DMD: variants seen among roughly 807,000 people sequenced by gnomAD.
DMD encodes mutant dystrophin.
In DMD, 63 loss-of-function variants were observed where a neutral mutation model predicts 330.1. The ratio of observed to expected loss-of-function variants is 0.19; its 90% CI spans 0.16 to 0.24. DMD has a LOEUF of 0.24. Ranked by LOEUF, DMD falls within the 10% of genes least tolerant of loss-of-function variation. DMD has a pLI of 1.00. For missense variants in DMD, 3,344 were observed against 2,684.1 expected, an observed-to-expected ratio of 1.25 and a Z score of -5.43; for synonymous variants, 1,223 against 959.8, an observed-to-expected ratio of 1.27 and a Z score of -5.07.
At chrX:31,674,333 T>C (rs768623863) in intron 53 of DMD, among the ~76,000 whole-genome samples, 25 of 112,447 alleles carry the variant, frequency 2.2e-4, no homozygotes, top group Admixed American at 5.7e-4. Flanking sequence ...ATACAATAAG[T>C]TCAACTTTTA....
chrX:31,544,998 T>C (rs749180496), intron 55 of DMD, among the ~76,000 whole-genome samples: 1 of 112,099 alleles, frequency 8.9e-6, no homozygotes, highest in African/African-American at 3.2e-5. Flanking sequence ...CAGAGCCTGG[T>C]CTTTTCATCT....
intron 44 of DMD, among the ~76,000 whole-genome samples, chrX:32,209,085 A>G (rs918830499): frequency 3.6e-5 from 4 of 111,719 alleles, no homozygotes; most frequent in Non-Finnish European, 7.5e-5. Context: ...ACCGAGGTAT[A>G]TTGGTGATCG....
At chrX:32,588,397 G>A (rs1160026366) in intron 13 of DMD, among the ~76,000 whole-genome samples, 1 of 111,840 alleles carries the variant, frequency 8.9e-6, no homozygotes, top group Non-Finnish European at 1.9e-5. Flanking sequence ...ATCTTATGAA[G>A]CAGAGTCGTC....
intron 45 of DMD, among the ~76,000 whole-genome samples, chrX:31,939,272 C>A (rs2150036582): frequency 8.9e-6 from 1 of 111,737 alleles, no homozygotes; most frequent in South Asian, 3.7e-4. Context: ...CTGGTTGGTG[C>A]TTGAGTTGTA....
At chrX:33,196,762 T>A (rs1180977884) in intron 1 of DMD, among the ~76,000 whole-genome samples, 3 of 111,398 alleles carry the variant, frequency 2.7e-5, no homozygotes, top group African/African-American at 9.8e-5. Context: ...CCTAATTTCC[T>A]CTTGAGGACA....
intron 1 of DMD, among the ~76,000 whole-genome samples, chrX:33,177,537 A>C (rs1247220601): frequency 1.8e-5 from 2 of 110,168 alleles, no homozygotes; most frequent in Non-Finnish European, 3.8e-5. Context: ...GGTGCGCACC[A>C]CCATGCCCGA....
At chrX:32,717,013 C>G (rs1004078009) in intron 7 of DMD, among the ~76,000 whole-genome samples, 2 of 110,524 alleles carry the variant, frequency 1.8e-5, no homozygotes, top group African/African-American at 3.3e-5. Flanking sequence ...GAAACTGGAA[C>G]TTATATTTAA....
chrX:32,094,664 A>C (rs1244672567), intron 44 of DMD, among the ~76,000 whole-genome samples: 1 of 112,020 alleles, frequency 8.9e-6, no homozygotes, highest in Non-Finnish European at 1.9e-5. Context: ...GGTTATTCAG[A>C]TGTGCAGGAA....
chrX:31,481,986 G>GA (rs1336721664), intron 57 of DMD, among the ~76,000 whole-genome samples: 1 of 110,612 alleles, frequency 9.0e-6, no homozygotes, highest in African/African-American at 3.3e-5. Flanking sequence ...TTTATAAGCA[G>GA]AAAAAATGAT....
At chrX:32,710,359 G>A (rs2065079543) in intron 7 of DMD, among the ~76,000 whole-genome samples, 1 of 110,485 alleles carries the variant, frequency 9.1e-6, no homozygotes, top group South Asian at 3.8e-4. Context: ...ATTGCAAGAA[G>A]TTTTTCTTAT....
chrX:31,520,703 G>A (rs1423571030), intron 55 of DMD, among the ~76,000 whole-genome samples: 10 of 110,033 alleles, frequency 9.1e-5, no homozygotes, highest in East Asian at 2.9e-4. Context: ...TTTTTGAGAC[G>A]GAGTCTTGCT....
In DMD at chrX:32,925,112, C is replaced by T. The variant is rs563275675; in HGVS notation, c.94-75292G>A. On this transcript the variant is annotated intron_variant, in intron 2 of 78. Transcript: ENST00000357033. ...GATTTTCAATGTCATAGTATTTTTC[C>T]AAATGACTAAGTAGGTTTTTCAAAA... 4.0e-5 allele frequency among the ~76,000 whole-genome samples: 4 copies of T among 99,260 alleles called. No homozygotes were observed. In the South Asian group the frequency reaches 2.0e-3, roughly 50 times the overall value. The allele number at this position is 99,260 out of a possible 115,157, so 86.2% of individuals were successfully genotyped here. A position where few individuals can be genotyped will look rare whatever the true frequency, so the allele number is the denominator to read the frequency against.
intron 12 of DMD, among the ~76,000 whole-genome samples, chrX:32,599,012 C>G (rs2055883991): frequency 9.0e-6 from 1 of 111,633 alleles, no homozygotes; most frequent in African/African-American, 3.2e-5. Context: ...TCCAGTATCT[C>G]TTCTCCTCTA....
intron 1 of DMD, among the ~76,000 whole-genome samples, chrX:33,220,073 C>A (rs989549018): frequency 5.4e-5 from 6 of 111,476 alleles, no homozygotes; most frequent in African/African-American, 2.0e-4. Context: ...CTACCAGGAC[C>A]TTAGTGAGGC....
At chrX:31,785,575 G>A (rs989828815) in intron 50 of DMD, among the ~76,000 whole-genome samples, 5 of 110,864 alleles carry the variant, frequency 4.5e-5, no homozygotes, top group African/African-American at 1.6e-4. Context: ...ATCTACATTA[G>A]GTATTTCTCC....
At chrX:33,087,374 C>A (rs2095023501) in intron 1 of DMD, among the ~76,000 whole-genome samples, 1 of 112,172 alleles carries the variant, frequency 8.9e-6, no homozygotes, top group Non-Finnish European at 1.9e-5. Flanking sequence ...GCATTTAGTT[C>A]ATATGGCGAG....
At chrX:32,065,500 T>G (rs1239750633) in intron 44 of DMD, among the ~76,000 whole-genome samples, 1 of 112,147 alleles carries the variant, frequency 8.9e-6, no homozygotes, top group African/African-American at 3.2e-5. Flanking sequence ...ACACTGTAAT[T>G]TGCTTAAATG....
At chrX:32,465,389 T>A (rs1384382847) in intron 23 of DMD, among the ~76,000 whole-genome samples, 1 of 111,236 alleles carries the variant, frequency 9.0e-6, no homozygotes. Context: ...TCTGTTTTAC[T>A]TAAATTTACA....
chrX:31,520,089 T>G (rs995207290), intron 55 of DMD, among the ~76,000 whole-genome samples: 1 of 112,526 alleles, frequency 8.9e-6, no homozygotes, highest in Non-Finnish European at 1.9e-5. Context: ...TAGGTAATAT[T>G]TGGCATATTT....
Sources: allele counts gnomAD v4.1 joint callset (sites outside exome capture counted in the v4.1 genomes callset), GRCh38; gene constraint gnomAD v4.1.1; transcripts MANE v1.5; gene names NCBI Gene and HGNC (gene_info 2026-07-23, HGNC 2026-07-21).